SNTG2: variants seen among roughly 807,000 people sequenced by gnomAD.
SNTG2 encodes syntrophin gamma 2.
SNTG2 carries 74 observed loss-of-function variants against 70.9 expected under a neutral mutation model. That is an observed-to-expected ratio of 1.04 (90% confidence interval 0.86 to 1.27). The LOEUF (loss-of-function observed/expected upper bound fraction) is 1.27, where lower values mean the gene tolerates loss of function less well. Among genes scored for constraint, SNTG2 ranks in the 50% most tolerant of loss-of-function variants. The pLI is 0.00. For synonymous variants in SNTG2, 278 were observed against 273.8 expected (o/e 1.02, Z -0.15); for missense variants, 717 against 690.7 (o/e 1.04, Z -0.43).
In SNTG2 at chr2:1,100,824, C is replaced by T. The variant is rs554337633; in HGVS notation, c.325+2414C>T. ...AAGAGAATAAGACAGTAAGGTTAGC[C>T]AGTAGGTAACGTTCAGTAAAGGATG... On this transcript the variant is annotated intron_variant, in intron 4 of 16. Transcript: ENST00000308624. Among the ~76,000 whole-genome samples the T allele has an allele frequency of 3.3e-5, 5 of 152,208 alleles. No individual in the cohort carries two copies. The South Asian group carries it at 8.3e-4, about 25-fold the overall frequency.
At chr2:1,066,962 C>T (rs1663200290) in intron 1 of SNTG2, among the ~76,000 whole-genome samples, 1 of 152,174 alleles carries the variant, frequency 6.6e-6, no homozygotes, top group Non-Finnish European at 1.5e-5. Flanking sequence ...TGACCCAGCA[C>T]TGCACTGTAC....
chr2:1,351,595 C>T (rs1348252135), intron 16 of SNTG2, among the ~76,000 whole-genome samples: 3 of 152,102 alleles, frequency 2.0e-5, no homozygotes, highest in East Asian at 1.9e-4. Context: ...AGATTGGAGG[C>T]ACACGGGATG....
At chr2:1,320,643 G>A (rs1681480752) in intron 16 of SNTG2, among the ~76,000 whole-genome samples, 1 of 151,796 alleles carries the variant, frequency 6.6e-6, no homozygotes, top group Admixed American at 6.6e-5. Context: ...GAAATTTTAG[G>A]TTGCAGTAGT....
intron 1 of SNTG2, among the ~76,000 whole-genome samples, chr2:1,078,529 G>A (rs1188791245): frequency 6.6e-6 from 1 of 152,078 alleles, no homozygotes; most frequent in Non-Finnish European, 1.5e-5. Context: ...AGGCAGGCAC[G>A]GCGGCGCTGC....
At chr2:1,046,777 CTGTCTT>C (rs1015749669) in intron 1 of SNTG2, among the ~76,000 whole-genome samples, 56 of 152,230 alleles carry the variant, frequency 3.7e-4, no homozygotes, top group African/African-American at 1.3e-3. Flanking sequence ...TTCTCTCTCT[CTGTCTT>C]TAACATTTTT....
At chr2:998,911 A>AG (rs1297795195) in intron 1 of SNTG2, among the ~76,000 whole-genome samples, 1 of 152,136 alleles carries the variant, frequency 6.6e-6, no homozygotes, top group Non-Finnish European at 1.5e-5. Flanking sequence ...CCTGTAAAGG[A>AG]GAGTCCATCA....
chr2:1,121,805 CGT>C (rs1185030450), intron 4 of SNTG2, among the ~76,000 whole-genome samples: 2 of 152,068 alleles, frequency 1.3e-5, no homozygotes, highest in East Asian at 1.9e-4. Context: ...TCCCTTGACA[CGT>C]GGGGATCAGG....
rs1049882950 is a variant in SNTG2, at chr2:1,097,511, C to A, written c.211-685C>A. Among the ~76,000 whole-genome samples, 55 of 152,200 alleles carry A rather than the reference C, an allele frequency of 3.6e-4. No homozygotes were observed. Among genetic ancestry groups the A allele is most frequent in the African/African-American group, 1.3e-3 (55 of 41,464 alleles). On this transcript the variant is annotated intron_variant, in intron 2 of 16. Coordinates refer to ENST00000308624, the MANE Select transcript of SNTG2 (RefSeq NM_018968.4). The surrounding 1 kb of genome is among the most constrained non-coding windows in gnomAD (Gnocchi z 4.1). ...CGCCCCCTCAGAGCAGCACCAGTCA[C>A]TCATGTCTACCTGAAGTTGGCAACA...
intron 6 of SNTG2, among the ~76,000 whole-genome samples, chr2:1,157,138 C>T (rs1669951869): frequency 6.6e-6 from 1 of 152,166 alleles, no homozygotes; most frequent in Non-Finnish European, 1.5e-5. Flanking sequence ...CTTCCTGACT[C>T]GGCCCCTTCC....
chr2:1,298,074 T>A (rs1334249503), intron 14 of SNTG2, among the ~76,000 whole-genome samples: 1 of 152,184 alleles, frequency 6.6e-6, no homozygotes, highest in East Asian at 1.9e-4. Flanking sequence ...CAGGTGGGAT[T>A]TCAATCTATC....
intron 8 of SNTG2, among the ~76,000 whole-genome samples, chr2:1,192,630 T>C (rs1400804809): frequency 6.6e-6 from 1 of 152,106 alleles, no homozygotes; most frequent in South Asian, 2.1e-4. Context: ...GTTGGAACAA[T>C]GTGAGACGGG....
chr2:1,066,390 G>A (rs894752076), intron 1 of SNTG2, among the ~76,000 whole-genome samples: 17 of 151,386 alleles, frequency 1.1e-4, no homozygotes, highest in Non-Finnish European at 1.0e-4. Context: ...GAAGAATTGG[G>A]CCCTTCCTGT....
chr2:1,070,521 G>A (rs1408643167), intron 1 of SNTG2, among the ~76,000 whole-genome samples: 4 of 152,084 alleles, frequency 2.6e-5, no homozygotes, highest in South Asian at 2.1e-4. Context: ...TGTTAATATC[G>A]TTTCAATGTT....
chr2:1,254,962 C>T (rs141036130), intron 12 of SNTG2, among the ~76,000 whole-genome samples: 1 of 152,178 alleles, frequency 6.6e-6, no homozygotes, highest in Non-Finnish European at 1.5e-5. Flanking sequence ...AATCATTCCC[C>T]AGAGAAAATC....
chr2:1,140,298 T>G (rs74368838), intron 6 of SNTG2, among the ~76,000 whole-genome samples: 7,202 of 152,350 alleles, frequency 0.047, 527 homozygotes, highest in African/African-American at 0.15. Context: ...TTCCCCTTTT[T>G]AGTACATCTA....
At chr2:1,301,324 A>G (rs1054715105) in intron 14 of SNTG2, among the ~76,000 whole-genome samples, 1 of 152,128 alleles carries the variant, frequency 6.6e-6, no homozygotes, top group Non-Finnish European at 1.5e-5. Flanking sequence ...GTCTGCACCC[A>G]TGCCATGCTG....
At chr2:1,031,295 G>T (rs1262680646) in intron 1 of SNTG2, among the ~76,000 whole-genome samples, 2 of 151,632 alleles carry the variant, frequency 1.3e-5, no homozygotes. Context: ...GTCTGTGCAG[G>T]GTTCTTCTCT....
intron 6 of SNTG2, among the ~76,000 whole-genome samples, chr2:1,148,009 A>G (rs1669211787): frequency 6.6e-6 from 1 of 152,196 alleles, no homozygotes; most frequent in Non-Finnish European, 1.5e-5. Context: ...CGAAGTAGTA[A>G]CCTTGTCTGG....
intron 8 of SNTG2, among the ~76,000 whole-genome samples, chr2:1,191,807 C>A (rs1416278173): frequency 1.3e-5 from 2 of 151,982 alleles, no homozygotes; most frequent in East Asian, 3.9e-4. Context: ...ATAAAAAGTT[C>A]TAATTTGTTA....
Sources: allele counts gnomAD v4.1 joint callset (sites outside exome capture counted in the v4.1 genomes callset), GRCh38; gene constraint gnomAD v4.1.1; non-coding constraint Gnocchi (gnomAD v3.1); transcripts MANE v1.5; gene names NCBI Gene and HGNC (gene_info 2026-07-23, HGNC 2026-07-21).